Variants in DLGAP2 observed in about 807,000 individuals in gnomAD.
DLGAP2 encodes disks large-associated protein 2.
A neutral mutation model predicts 100.3 loss-of-function variants in DLGAP2; 26 were observed. That is an observed-to-expected ratio of 0.26 (90% CI 0.19 to 0.36). The LOEUF (loss-of-function observed/expected upper bound fraction) is 0.36. Ranked by LOEUF, DLGAP2 falls within the 10% of genes least tolerant of loss-of-function variation. The pLI is 1.00. For synonymous variants in DLGAP2, 886 were observed against 630.1 expected (o/e 1.41, Z -6.08); for missense variants, 1,858 against 1,453.2 (o/e 1.28, Z -4.53).
At chr8:895,658 G>A (rs934113253) in intron 1 of DLGAP2, among the ~76,000 whole-genome samples, 1 of 152,234 alleles carries the variant, frequency 6.6e-6, no homozygotes, top group African/African-American at 2.4e-5. Flanking sequence ...GGGTTCACGA[G>A]GTTTATGAGA....
intron 2 of DLGAP2, among the ~76,000 whole-genome samples, chr8:1,169,362 C>A (rs79409544): frequency 6.6e-6 from 1 of 151,988 alleles, no homozygotes; most frequent in African/African-American, 2.4e-5. Context: ...CTTGGCGATG[C>A]GGGCTCTTTC....
chr8:806,940 G>A (rs763884220), intron 1 of DLGAP2, among the ~76,000 whole-genome samples: 1 of 152,160 alleles, frequency 6.6e-6, no homozygotes, highest in Non-Finnish European at 1.5e-5. Flanking sequence ...GTGTGGCTGG[G>A]GTCGTGGACA....
chr8:950,180 A>G (rs1171412117), intron 2 of DLGAP2, among the ~76,000 whole-genome samples: 3 of 152,184 alleles, frequency 2.0e-5, no homozygotes, highest in Non-Finnish European at 2.9e-5. Context: ...TGGGTTTTCA[A>G]TCTCATGCCC....
chr8:901,663 G>C (rs1462487543), intron 1 of DLGAP2, among the ~76,000 whole-genome samples: 1 of 152,198 alleles, frequency 6.6e-6, no homozygotes, highest in African/African-American at 2.4e-5. Flanking sequence ...GTTTGGACCG[G>C]AAGTTGAAAC....
intron 2 of DLGAP2, among the ~76,000 whole-genome samples, chr8:1,076,208 C>G (rs1363057314): frequency 6.6e-6 from 1 of 152,318 alleles, no homozygotes; most frequent in African/African-American, 2.4e-5. Context: ...CCTCTCCCCT[C>G]ACCCCTGTGC....
intron 2 of DLGAP2, among the ~76,000 whole-genome samples, chr8:997,457 A>C (rs1239670327): frequency 6.6e-6 from 1 of 152,318 alleles, no homozygotes; most frequent in Non-Finnish European, 1.5e-5. Flanking sequence ...GAAGACAACA[A>C]CTGATCACAA....
At chr8:1,246,882 T>C (rs1421876907) in intron 2 of DLGAP2, 2 of 123,110 alleles carry the variant, frequency 1.6e-5, no homozygotes, top group Admixed American at 7.7e-5. Context: ...GTGGGAGTAA[T>C]GGCCCATGTT....
chr8:907,553 G>A (rs192120068), intron 1 of DLGAP2, among the ~76,000 whole-genome samples: 7 of 152,138 alleles, frequency 4.6e-5, no homozygotes, highest in Admixed American at 1.3e-4. Context: ...CTCTAATTGC[G>A]CCTAATATTT....
intron 1 of DLGAP2, chr8:738,037 C>T (rs1413699835): frequency 1.3e-5 from 4 of 298,854 alleles, no homozygotes; most frequent in East Asian, 1.1e-4. Context: ...CGCTCCTCGC[C>T]GGGCTCCGCG....
intron 1 of DLGAP2, among the ~76,000 whole-genome samples, chr8:821,788 A>C (rs959491243): frequency 6.6e-6 from 1 of 152,234 alleles, no homozygotes; most frequent in African/African-American, 2.4e-5. Flanking sequence ...CAATATTTCA[A>C]AATGGTTAAA....
intron 8 of DLGAP2, among the ~76,000 whole-genome samples, chr8:1,641,759 G>T (rs1270802838): frequency 6.6e-6 from 1 of 152,116 alleles, no homozygotes; most frequent in Non-Finnish European, 1.5e-5. Flanking sequence ...GAAAAGTAAT[G>T]GCTGAAATAA....
chr8:936,392 A>G (rs574328116), intron 2 of DLGAP2, among the ~76,000 whole-genome samples: 1 of 152,310 alleles, frequency 6.6e-6, no homozygotes, highest in Admixed American at 6.5e-5. Flanking sequence ...AGGACCTCTG[A>G]TTGCATTGCC....
chr8:1,669,411 G>A (rs1021624711), intron 9 of DLGAP2, among the ~76,000 whole-genome samples: 8 of 152,348 alleles, frequency 5.3e-5, no homozygotes, highest in Non-Finnish European at 1.2e-4. Flanking sequence ...GGGAGGCCGG[G>A]AGATTGTCCT....
intron 3 of DLGAP2, among the ~76,000 whole-genome samples, chr8:1,391,003 C>G (rs982329592): frequency 6.6e-6 from 1 of 152,178 alleles, no homozygotes; most frequent in African/African-American, 2.4e-5. Context: ...GGGGCAGCAG[C>G]TGAACCCCCC....
At chr8:976,785 T>C (rs1787833350) in intron 2 of DLGAP2, among the ~76,000 whole-genome samples, 1 of 152,108 alleles carries the variant, frequency 6.6e-6, no homozygotes, top group South Asian at 2.1e-4. Flanking sequence ...ATAAAAAACA[T>C]AACTGAAAAT....
intron 3 of DLGAP2, among the ~76,000 whole-genome samples, chr8:1,497,790 A>G (rs1799593155): frequency 6.6e-6 from 1 of 152,238 alleles, no homozygotes; most frequent in Admixed American, 6.5e-5. Context: ...CAAGACCCCT[A>G]GCAGATGCCT....
chr8:1,334,260 A>G (rs1243542587), intron 3 of DLGAP2, among the ~76,000 whole-genome samples: 2 of 152,194 alleles, frequency 1.3e-5, no homozygotes, highest in Admixed American at 6.5e-5. Context: ...CTGAGAAGCC[A>G]TGGCAGTCAG....
intron 3 of DLGAP2, among the ~76,000 whole-genome samples, chr8:1,276,386 G>T (rs6996078): frequency 2.0e-5 from 3 of 151,986 alleles, no homozygotes; most frequent in South Asian, 2.1e-4. Context: ...AGATGGAACC[G>T]TTTTGGATCT....
At chr8:853,616 A>G (rs1797221927) in intron 1 of DLGAP2, among the ~76,000 whole-genome samples, 1 of 152,134 alleles carries the variant, frequency 6.6e-6, no homozygotes, top group Non-Finnish European at 1.5e-5. Context: ...GTTCTCAGAT[A>G]TAGCCCAGGG....
Sources: gnomAD v4.1 joint callset for allele counts (sites outside exome capture counted in the v4.1 genomes callset) on GRCh38, gnomAD v4.1.1 for gene constraint, MANE v1.5 for transcripts, NCBI Gene and HGNC (gene_info 2026-07-23, HGNC 2026-07-21) for gene names.